ZDHHC14: variants seen among roughly 807,000 people sequenced by gnomAD.
ZDHHC14 encodes zDHHC palmitoyltransferase 14, also known as palmitoyltransferase ZDHHC14.
A neutral mutation model predicts 47.7 loss-of-function variants in ZDHHC14; 16 were observed. The ratio of observed to expected loss-of-function variants is 0.34; its 90% confidence interval spans 0.23 to 0.51. The LOEUF is 0.51. Ranked by LOEUF, ZDHHC14 falls within the 20% of genes least tolerant of loss-of-function variation. The pLI is 0.97. For missense variants in ZDHHC14, 515 were observed against 662.5 expected (o/e 0.78, Z 2.44); for synonymous variants, 293 against 278.9 (o/e 1.05, Z -0.50).
intron 2 of ZDHHC14, among the ~76,000 whole-genome samples, chr6:157,584,546 A>C (rs1408173672): frequency 1.3e-5 from 2 of 152,224 alleles, no homozygotes; most frequent in East Asian, 1.9e-4. Context: ...AGACAAATGG[A>C]TCTATCAGGA....
intron 1 of ZDHHC14, among the ~76,000 whole-genome samples, chr6:157,468,860 A>T (rs1480741453): frequency 6.6e-6 from 1 of 152,200 alleles, no homozygotes; most frequent in East Asian, 1.9e-4. Context: ...TGGGTGAAAA[A>T]TTTGACGCTC....
chr6:157,435,004 C>T (rs369116919), intron 1 of ZDHHC14, among the ~76,000 whole-genome samples: 3 of 152,318 alleles, frequency 2.0e-5, no homozygotes, highest in Admixed American at 6.5e-5. Flanking sequence ...TTGACCTTTA[C>T]ACAAAGACAT....
intron 1 of ZDHHC14, among the ~76,000 whole-genome samples, chr6:157,484,361 T>C (rs1779719207): frequency 6.8e-6 from 1 of 146,196 alleles, no homozygotes; most frequent in Admixed American, 6.9e-5. Flanking sequence ...TATACACACA[T>C]ATATACGTAT....
At chr6:157,412,966 G>A (rs535053144) in intron 1 of ZDHHC14, among the ~76,000 whole-genome samples, 3 of 152,214 alleles carry the variant, frequency 2.0e-5, no homozygotes, top group Non-Finnish European at 4.4e-5. Flanking sequence ...TAGAGAGCCC[G>A]TGGGGTTAGC....
chr6:157,653,699 C>A, intron 8 of ZDHHC14, 72 bp downstream of exon 8: 1 of 1,494,108 alleles, frequency 6.7e-7, no homozygotes, highest in Non-Finnish European at 9.2e-7. Context: ...GGCCACCAAG[C>A]AGCCTTCCTA....
chr6:157,512,069 C>T (rs897893892), intron 1 of ZDHHC14, among the ~76,000 whole-genome samples: 4 of 152,184 alleles, frequency 2.6e-5, no homozygotes, highest in Non-Finnish European at 5.9e-5. Flanking sequence ...ATAGTGACGG[C>T]ACTGTCACAA....
intron 1 of ZDHHC14, among the ~76,000 whole-genome samples, chr6:157,485,078 C>T (rs2114720865): frequency 6.6e-6 from 1 of 152,166 alleles, no homozygotes; most frequent in East Asian, 1.9e-4. Flanking sequence ...GCCTGGGCAA[C>T]AGAGCAAGAC....
chr6:157,667,305 A>C (rs1314869879), intron 8 of ZDHHC14, among the ~76,000 whole-genome samples: 4 of 152,182 alleles, frequency 2.6e-5, no homozygotes, highest in Non-Finnish European at 2.9e-5. Flanking sequence ...GCCGGGATGT[A>C]TGCACAGCCA....
At chr6:157,658,568 T>C (rs76391766) in intron 8 of ZDHHC14, among the ~76,000 whole-genome samples, 4,405 of 152,258 alleles carry the variant, frequency 0.029, 140 homozygotes, top group African/African-American at 0.078. Flanking sequence ...TGTGGGGCTA[T>C]GCGCAGTCTG....
rs142530511 is a variant in ZDHHC14, at chr6:157,436,912, T to C, written c.245+54646T>C. 5.3e-4 allele frequency among the ~76,000 whole-genome samples: 81 copies of C among 151,714 alleles called. No homozygotes were observed. In the East Asian group the frequency reaches 0.015, roughly 27 times the overall value. On this transcript the variant is annotated intron_variant, in intron 1 of 8. Coordinates refer to ENST00000359775, the MANE Select transcript of ZDHHC14 (RefSeq NM_024630.3). ...TCTACGCAGAGCTGTCTGCAGGGAG[T>C]ACAGGGGTGGTCTGAGGTGCCTGGA... is the stretch of plus-strand genomic sequence containing the variant.
At chr6:157,664,264 A>AT (rs1454322704) in intron 8 of ZDHHC14, among the ~76,000 whole-genome samples, 1 of 152,018 alleles carries the variant, frequency 6.6e-6, no homozygotes, top group Non-Finnish European at 1.5e-5. Flanking sequence ...CATCCAGATA[A>AT]TTTTTCATTT....
intron 1 of ZDHHC14, among the ~76,000 whole-genome samples, chr6:157,532,355 C>T (rs112408615): frequency 4.3e-4 from 66 of 152,320 alleles, no homozygotes; most frequent in African/African-American, 1.3e-3. Flanking sequence ...AGCTATCCAG[C>T]GTTTGGGTTC....
At chr6:157,484,073 A>G (rs1406377076) in intron 1 of ZDHHC14, among the ~76,000 whole-genome samples, 1 of 151,832 alleles carries the variant, frequency 6.6e-6, no homozygotes, top group African/African-American at 2.4e-5. Flanking sequence ...GTTTTAACTT[A>G]TAAGTGGGAG....
At chr6:157,422,021 T>C (rs781631697) in intron 1 of ZDHHC14, among the ~76,000 whole-genome samples, 8 of 152,216 alleles carry the variant, frequency 5.3e-5, no homozygotes, top group Non-Finnish European at 1.0e-4. Context: ...GGGCAGGCGA[T>C]TTAGCTCCAC....
At position 157,645,784 on chromosome 6, in the gene ZDHHC14, G is replaced by A. The variant is rs1777519671; in HGVS notation, c.800G>A (p.Gly267Asp). The change falls in exon 6 of 9, where the codon GGC becomes GAC. Residue 267 changes from glycine (G) to aspartate (D), a missense_variant. Physicochemically the swap from Gly to Asp is moderately conservative, Grantham distance 94 (BLOSUM62 -1). Transcript: ENST00000359775. ...VCFFSVWSIV[G>D]LSGFHTYLIS... The stretch of plus-strand genomic sequence containing the variant: ...TTCTTCTCTGTCTGGTCCATCGTTG[G>A]CCTCTCAGGATTCCACACCTACTTG... 1 of 1,614,006 alleles carries A rather than the reference G, an allele frequency of 6.2e-7. No individual in the cohort carries two copies. Among genetic ancestry groups the A allele is most frequent in the Admixed American group, 1.7e-5 (1 of 59,990 alleles).
At chr6:157,505,583 C>T (rs1469391331) in intron 1 of ZDHHC14, among the ~76,000 whole-genome samples, 4 of 152,098 alleles carry the variant, frequency 2.6e-5, no homozygotes, top group African/African-American at 7.2e-5. Flanking sequence ...TATGAGGGAA[C>T]AAATCATCAT....
intron 1 of ZDHHC14, among the ~76,000 whole-genome samples, chr6:157,461,856 T>A (rs1164788834): frequency 1.3e-5 from 2 of 152,182 alleles, no homozygotes; most frequent in African/African-American, 4.8e-5. Flanking sequence ...TTATTAGTCA[T>A]GGAAACTGGC....
chr6:157,517,571 A>G (rs552277578), intron 1 of ZDHHC14, among the ~76,000 whole-genome samples: 1 of 152,172 alleles, frequency 6.6e-6, no homozygotes, highest in South Asian at 2.1e-4. Flanking sequence ...TTGGCCTCCC[A>G]AAGTGCTGGG....
intron 3 of ZDHHC14, among the ~76,000 whole-genome samples, chr6:157,622,507 C>A (rs964285361): frequency 6.6e-6 from 1 of 152,190 alleles, no homozygotes; most frequent in Non-Finnish European, 1.5e-5. Context: ...TTTAATGGAA[C>A]CTTCTTTGCC....
Sources: gnomAD v4.1 joint callset for allele counts (sites outside exome capture counted in the v4.1 genomes callset) on GRCh38, gnomAD v4.1.1 for gene constraint, MANE v1.5 for transcripts, NCBI Gene and HGNC (gene_info 2026-07-23, HGNC 2026-07-21) for gene names.